CARM1: variants seen among roughly 807,000 people sequenced by gnomAD.
CARM1 encodes coactivator associated arginine methyltransferase 1.
A neutral mutation model predicts 72.7 loss-of-function variants in CARM1; 14 were observed. The observed-to-expected ratio is 0.19, with a 90% CI of 0.13 to 0.30. The LOEUF is 0.30. Ranked by LOEUF, CARM1 falls within the 10% of genes least tolerant of loss-of-function variation. The pLI is 1.00. For missense variants in CARM1, 432 were observed against 833.7 expected (o/e 0.52, Z 5.93); for synonymous variants, 333 against 345.5 (o/e 0.96, Z 0.40).
At chr19:10,891,461 C>G (rs1261484870) in intron 1 of CARM1, among the ~76,000 whole-genome samples, 2 of 152,096 alleles carry the variant, frequency 1.3e-5, no homozygotes, top group African/African-American at 2.4e-5. Flanking sequence ...TCCATCACAC[C>G]CACTGAGGGC....
rs372520616 is a variant in CARM1 at position 10,915,115 on chromosome 19, G to A, written c.847+1061G>A. Among the ~76,000 whole-genome samples the A allele has an allele frequency of 2.8e-4, 42 of 152,276 alleles. 1 individual carries two copies. Among genetic ancestry groups the A allele is most frequent in the African/African-American group, 7.9e-4 (33 of 41,562 alleles). ...AAGCTTCCACTCTCATCTCTGGCCCGCCCTGGATCCAGGCCCTAGGGTCCT... is the reference window on the plus strand; with the variant it reads ...AAGCTTCCACTCTCATCTCTGGCCCACCCTGGATCCAGGCCCTAGGGTCCT... On this transcript the variant is annotated intron_variant, in intron 6 of 15. Transcript: ENST00000327064. The surrounding 1 kb of genome is among the most constrained non-coding windows in gnomAD (Gnocchi z 4.6).
chr19:10,909,356 A>G (rs921537566), intron 4 of CARM1, 149 bp downstream of exon 4: 43 of 574,212 alleles, frequency 7.5e-5, no homozygotes, highest in African/African-American at 7.4e-4. Context: ...GCTTCAGTCC[A>G]TGAGTTTGAG....
intron 2 of CARM1, among the ~76,000 whole-genome samples, chr19:10,906,903 T>G (rs1175808904): frequency 6.7e-6 from 1 of 148,958 alleles, no homozygotes; most frequent in Non-Finnish European, 1.5e-5. Flanking sequence ...TTATTTTATT[T>G]TATTTTATTT....
intron 1 of CARM1, among the ~76,000 whole-genome samples, chr19:10,872,748 A>G (rs1242539650): frequency 6.6e-6 from 1 of 151,462 alleles, no homozygotes; most frequent in Admixed American, 6.6e-5. Context: ...CAGTCTTTGT[A>G]GTTCATTCTT....
At chr19:10,889,928 G>A (rs1186479744) in intron 1 of CARM1, among the ~76,000 whole-genome samples, 1 of 152,186 alleles carries the variant, frequency 6.6e-6, no homozygotes, top group African/African-American at 2.4e-5. Flanking sequence ...AACTCTGGTG[G>A]TCGGCTTTTG....
chr19:10,898,832 C>G (rs2074042823), intron 1 of CARM1, among the ~76,000 whole-genome samples: 1 of 152,102 alleles, frequency 6.6e-6, no homozygotes, highest in Non-Finnish European at 1.5e-5. Flanking sequence ...CCACTGGACC[C>G]ATAGTAGCAG....
At chr19:10,892,231 A>G (rs2073993506) in intron 1 of CARM1, among the ~76,000 whole-genome samples, 1 of 152,248 alleles carries the variant, frequency 6.6e-6, no homozygotes, top group Non-Finnish European at 1.5e-5. Flanking sequence ...TATCTCTGCA[A>G]GTAGAGCTTG....
Position 10,915,813 on chromosome 19 carries a change from AGAGGGAGG to A in CARM1, c.848-593_848-586del, listed in dbSNP as rs1040240161. Reference sequence around the variant, plus strand: ...ACTCATGCGTCTACCCTTGAGTCACAGAGGGAGGCCCTGCCCTTCCCTCAGTCTGTGTG... The same window carrying A: ...ACTCATGCGTCTACCCTTGAGTCACACCCTGCCCTTCCCTCAGTCTGTGTG... On this transcript the variant is annotated intron_variant, in intron 6 of 15. Coordinates refer to ENST00000327064, the MANE Select transcript of CARM1 (RefSeq NM_199141.2). This position sits in a 1 kb window ranked among gnomAD's most constrained non-coding sequence, Gnocchi z 4.6. Among the ~76,000 whole-genome samples, 5 of 152,082 alleles carry A rather than the reference AGAGGGAGG, an allele frequency of 3.3e-5. No individual in the cohort carries two copies. The highest frequency in any genetic ancestry group is 7.4e-5 in the Non-Finnish European group (5 of 67,982).
At chr19:10,906,626 A>G (rs1253867034) in intron 2 of CARM1, among the ~76,000 whole-genome samples, 1 of 151,816 alleles carries the variant, frequency 6.6e-6, no homozygotes, top group African/African-American at 2.4e-5. Flanking sequence ...CTGTACCCAG[A>G]TAATTTTTTG....
In CARM1 at chr19:10,894,966, A is replaced by C. The variant is rs763389944; in HGVS notation, c.221-9985A>C. 3.6e-4 allele frequency among the ~76,000 whole-genome samples: 54 copies of C among 151,986 alleles called. 1 individual carries two copies. Among genetic ancestry groups the C allele is most frequent in the Admixed American group, 1.3e-4 (2 of 15,244 alleles). On this transcript the variant is annotated intron_variant, in intron 1 of 15. Coordinates refer to ENST00000327064, the MANE Select transcript of CARM1 (RefSeq NM_199141.2). The stretch of plus-strand genomic sequence containing the variant: ...CACTGTGTTACCCAGGCTGGTCTCA[A>C]ACTCCTGGGCTCAAGTGATCCTCCC...
Position 10,921,835 on chromosome 19 carries a change from CCTTGTACTGGAGAAGCT to C in CARM1, c.*80_*96del. On this transcript the variant is annotated 3_prime_UTR_variant, in exon 16 of 16. Transcript: ENST00000327064. ...GCCGCCCCCGCCGGGCGGCTTTCCC[CCTTGTACTGGAGAAGCT>C]CGAACACCCGGTCACAGCTCTCTTT... is the stretch of plus-strand genomic sequence containing the variant. 7.0e-7 allele frequency: 1 copy of C among 1,420,854 alleles called. No individual in the cohort carries two copies. The highest frequency in any genetic ancestry group is 2.4e-5 in the East Asian group (1 of 42,442). 88.0% of individuals were successfully genotyped at this position (1,420,854 alleles called of 1,614,324 possible).
At chr19:10,898,117 A>G (rs1475386938) in intron 1 of CARM1, among the ~76,000 whole-genome samples, 6 of 151,314 alleles carry the variant, frequency 4.0e-5, no homozygotes, top group Non-Finnish European at 5.9e-5. Flanking sequence ...AAAAAAAGAA[A>G]AAAAAAAAAA....
chr19:10,916,315 A>G lies in CARM1; in HGVS notation c.848-92A>G. ...AATGGATGACAGGCTGGGAGCACCC[A>G]GGGTTGGGGGTCTTGGGGTCCTTTG... On this transcript the variant is annotated intron_variant, in intron 6 of 15. Transcript: ENST00000327064. The surrounding 1 kb of genome is among the most constrained non-coding windows in gnomAD (Gnocchi z 4.4). 1 of 812,070 alleles carries G rather than the reference A, an allele frequency of 1.2e-6. No homozygotes were observed. The highest frequency in any genetic ancestry group is 1.7e-5 in the African/African-American group (1 of 59,760). 50.3% of individuals were successfully genotyped at this position (812,070 alleles called of 1,614,324 possible). A position where few individuals can be genotyped will look rare whatever the true frequency, so the allele number is the denominator to read the frequency against.
At position 10,916,279 on chromosome 19, in the gene CARM1, G is replaced by A; in HGVS notation, c.848-128G>A. 1 of 655,948 alleles carries A rather than the reference G, an allele frequency of 1.5e-6. No individual in the cohort carries two copies. The highest frequency in any genetic ancestry group is 2.8e-6 in the Non-Finnish European group (1 of 362,008). 40.6% of individuals were successfully genotyped at this position (655,948 alleles called of 1,614,324 possible). A position where few individuals can be genotyped will look rare whatever the true frequency, so the allele number is the denominator to read the frequency against. Reference sequence around the variant, plus strand: ...GGCGCTCGGTGCCACTGTCACAGGAGTGCAGGAACGAATGGATGACAGGCT... The same window carrying A: ...GGCGCTCGGTGCCACTGTCACAGGAATGCAGGAACGAATGGATGACAGGCT... On this transcript the variant is annotated intron_variant, in intron 6 of 15. Coordinates refer to ENST00000327064, the MANE Select transcript of CARM1 (RefSeq NM_199141.2). The surrounding 1 kb of genome is among the most constrained non-coding windows in gnomAD (Gnocchi z 4.4).
chr19:10,911,629 C>T (rs916302328), intron 4 of CARM1, among the ~76,000 whole-genome samples: 7 of 152,236 alleles, frequency 4.6e-5, no homozygotes, highest in African/African-American at 1.7e-4. Context: ...TTGGTCTGCT[C>T]GTGTGGAAGC....
intron 5 of CARM1, 82 bp from the exon 6 acceptor site, chr19:10,913,795 G>A: frequency 7.0e-7 from 1 of 1,425,202 alleles, no homozygotes; most frequent in Admixed American, 2.2e-5. Context: ...TGTGGATGGA[G>A]GCTGTCCCTT....
intron 3 of CARM1, 112 bp downstream of exon 3, chr19:10,908,257 T>G (rs2074119991): frequency 2.8e-6 from 2 of 707,200 alleles, no homozygotes; most frequent in Non-Finnish European, 5.0e-6. Flanking sequence ...CCGTCCTGGC[T>G]CTGTCCCTTA....
At position 10,912,369 on chromosome 19, in the gene CARM1, T is replaced by C. The variant is rs748479943; in HGVS notation, c.669+75T>C. 37 of 1,115,738 alleles carry C rather than the reference T, an allele frequency of 3.3e-5. No homozygotes were observed. Among genetic ancestry groups the C allele is most frequent in the Non-Finnish European group, 4.6e-5 (34 of 733,942 alleles). 69.1% of individuals were successfully genotyped at this position (1,115,738 alleles called of 1,614,324 possible). On this transcript the variant is annotated intron_variant, in intron 5 of 15. Coordinates refer to ENST00000327064, the MANE Select transcript of CARM1 (RefSeq NM_199141.2). This position sits in a 1 kb window ranked among gnomAD's most constrained non-coding sequence, Gnocchi z 4.5. Reference sequence around the variant, plus strand: ...CATGCCGGCCCCAGCCTAGAGAAGCTTGGGAACCCCCAGGGGCCTGGGGAC... The same window carrying C: ...CATGCCGGCCCCAGCCTAGAGAAGCCTGGGAACCCCCAGGGGCCTGGGGAC...
intron 1 of CARM1, among the ~76,000 whole-genome samples, chr19:10,884,082 C>T (rs1242656743): frequency 1.4e-4 from 20 of 148,012 alleles, no homozygotes; most frequent in Admixed American, 1.4e-4. Context: ...GTGGCTCACA[C>T]CTGTAATCCC....
Sources: allele counts gnomAD v4.1 joint callset (sites outside exome capture counted in the v4.1 genomes callset), GRCh38; gene constraint gnomAD v4.1.1; non-coding constraint Gnocchi (gnomAD v3.1); transcripts MANE v1.5; gene names NCBI Gene and HGNC (gene_info 2026-07-23, HGNC 2026-07-21).